The following SAMMSON variants were observed in gnomAD, a reference collection of about 807,000 sequenced individuals.
SAMMSON encodes the protein survival associated mitochondrial melanoma specific oncogenic non-coding RNA.
chr3:70,419,071 C>T (rs1262059464), intron 2 of SAMMSON, among the ~76,000 whole-genome samples: 2 of 151,400 alleles, frequency 1.3e-5, no homozygotes, highest in Non-Finnish European at 2.9e-5. Context: ...TTCACCCAGG[C>T]TGGAGTGCAG....
intron 7 of SAMMSON, among the ~76,000 whole-genome samples, chr3:70,336,908 A>G (rs905927486): frequency 6.7e-6 from 1 of 149,308 alleles, no homozygotes; most frequent in Non-Finnish European, 1.5e-5. Context: ...AGCTCCTACC[A>G]GGGGTTCATC....
intron 7 of SAMMSON, among the ~76,000 whole-genome samples, chr3:70,303,480 C>A (rs2106703503): frequency 6.6e-6 from 1 of 152,228 alleles, no homozygotes; most frequent in South Asian, 2.1e-4. Flanking sequence ...CTTAGGCTCA[C>A]CAGAACTAGA....
intron 9 of SAMMSON, among the ~76,000 whole-genome samples, chr3:70,377,221 A>C (rs997985964): frequency 2.0e-5 from 3 of 152,160 alleles, no homozygotes; most frequent in African/African-American, 7.2e-5. Context: ...AAACAGAGAA[A>C]TCATGGGAGA....
chr3:70,002,423 A>G (rs962304435), intron 1 of SAMMSON, among the ~76,000 whole-genome samples: 1 of 152,222 alleles, frequency 6.6e-6, no homozygotes, highest in Non-Finnish European at 1.5e-5. Flanking sequence ...TGAATTTACG[A>G]AAAGTGACTA....
chr3:70,257,923 G>C (rs1482811709), intron 6 of SAMMSON, among the ~76,000 whole-genome samples: 1 of 152,120 alleles, frequency 6.6e-6, no homozygotes, highest in East Asian at 1.9e-4. Context: ...TTGGTGTAAG[G>C]ATAGACATAT....
At chr3:70,121,360 C>G (rs1404519138) in intron 4 of SAMMSON, among the ~76,000 whole-genome samples, 2 of 152,106 alleles carry the variant, frequency 1.3e-5, no homozygotes, top group South Asian at 4.1e-4. Flanking sequence ...TCAGTCATAC[C>G]TAGCATAAGC....
chr3:70,359,065 C>G (rs1702851747), intron 9 of SAMMSON, among the ~76,000 whole-genome samples: 1 of 151,950 alleles, frequency 6.6e-6, no homozygotes, highest in Non-Finnish European at 1.5e-5. Flanking sequence ...TATACACTCA[C>G]ACACACATAC....
chr3:70,369,746 T>C (rs1490561590), intron 9 of SAMMSON, among the ~76,000 whole-genome samples: 2 of 151,820 alleles, frequency 1.3e-5, no homozygotes, highest in African/African-American at 4.8e-5. Context: ...ATTCCTAGAG[T>C]GTATAACAAA....
At chr3:70,250,633 A>C (rs1475956198) in intron 6 of SAMMSON, among the ~76,000 whole-genome samples, 3 of 152,190 alleles carry the variant, frequency 2.0e-5, no homozygotes, top group African/African-American at 7.2e-5. Context: ...GTGTAATTTC[A>C]AATTACGCTG....
chr3:70,293,722 T>A (rs72945359), intron 7 of SAMMSON, among the ~76,000 whole-genome samples: 4,218 of 152,196 alleles, frequency 0.028, 169 homozygotes, highest in African/African-American at 0.094. Flanking sequence ...AGGATTTTTT[T>A]AAATTACATT....
chr3:70,409,176 T>A (rs1339936774), intron 2 of SAMMSON, among the ~76,000 whole-genome samples: 1 of 152,140 alleles, frequency 6.6e-6, no homozygotes, highest in Non-Finnish European at 1.5e-5. Context: ...AACTATACCA[T>A]CATACAATTG....
intron 4 of SAMMSON, among the ~76,000 whole-genome samples, chr3:70,233,745 T>C (rs1273570986): frequency 6.6e-6 from 1 of 152,186 alleles, no homozygotes; most frequent in East Asian, 1.9e-4. Context: ...AATCACTCAG[T>C]TTGTACCTTT....
chr3:70,218,558 G>A (rs976712336), intron 4 of SAMMSON, among the ~76,000 whole-genome samples: 1 of 152,068 alleles, frequency 6.6e-6, no homozygotes, highest in African/African-American at 2.4e-5. Flanking sequence ...CACAGCAGCT[G>A]CAGTAGTGGC....
intron 6 of SAMMSON, among the ~76,000 whole-genome samples, chr3:70,267,421 G>C (rs1194303714): frequency 2.2e-5 from 1 of 45,296 alleles, no homozygotes; most frequent in Admixed American, 2.9e-4. Flanking sequence ...TTTTTTTTTT[G>C]AGCGGGAGTC....
intron 3 of SAMMSON, chr3:70,025,120 TGATGTGGTAAAGTCC>T (rs1485036694): frequency 6.6e-6 from 1 of 152,254 alleles, no homozygotes; most frequent in African/African-American, 2.4e-5. Flanking sequence ...GCCAGTTGGC[TGATGTGGTAAAGTCC>T]GAGGCATATT....
Position 70,137,882 on chromosome 3 carries a change from A to C in SAMMSON, n.507+66317A>C, listed in dbSNP as rs925382931. On this transcript the variant is annotated intron_variant and non_coding_transcript_variant, in intron 4 of 9. Transcript: ENST00000642114. ...GGATAGCCACATTTCACATGTGACT[A>C]GTGACTACTGTATTGGGCAGTGTAG... is the stretch of plus-strand genomic sequence containing the variant. Among the ~76,000 whole-genome samples, 15 of 152,318 alleles carry C rather than the reference A, an allele frequency of 9.8e-5. No individual in the cohort carries two copies. In the East Asian group the frequency reaches 2.7e-3, roughly 27 times the overall value.
chr3:70,019,326 C>G (rs1292698022), intron 3 of SAMMSON, among the ~76,000 whole-genome samples: 2 of 152,138 alleles, frequency 1.3e-5, no homozygotes, highest in South Asian at 4.1e-4. Context: ...GTTCCCTTTA[C>G]CATTATGTAA....
chr3:70,298,566 A>G (rs1559557581), intron 7 of SAMMSON, among the ~76,000 whole-genome samples: 2 of 152,150 alleles, frequency 1.3e-5, no homozygotes, highest in African/African-American at 4.8e-5. Context: ...TGGCTTCTGA[A>G]TCTTCATCTA....
intron 4 of SAMMSON, among the ~76,000 whole-genome samples, chr3:70,210,754 C>CA (rs1184470604): frequency 2.0e-5 from 3 of 149,082 alleles, no homozygotes; most frequent in South Asian, 2.2e-4. Flanking sequence ...AAAATTAGGA[C>CA]AAAAAATAGA....
Sources: gnomAD v4.1 joint callset for allele counts (sites outside exome capture counted in the v4.1 genomes callset) on GRCh38, gnomAD v4.1.1 for gene constraint, MANE v1.5 for transcripts, NCBI Gene and HGNC (gene_info 2026-07-23, HGNC 2026-07-21) for gene names.